NCBP3: variants seen among roughly 807,000 people sequenced by gnomAD.
NCBP3 encodes nuclear cap binding subunit 3, also known as nuclear cap-binding protein subunit 3.
NCBP3 carries 20 observed loss-of-function variants against 75.7 expected under a neutral mutation model. The observed-to-expected ratio is 0.26, with a 90% CI of 0.19 to 0.38. The LOEUF (loss-of-function observed/expected upper bound fraction) is 0.38, where lower values mean the gene tolerates loss of function less well. Among genes scored for constraint, NCBP3 ranks in the 10% least tolerant of loss-of-function variants. NCBP3 has a pLI of 1.00. For synonymous variants in NCBP3, 293 were observed against 290.5 expected (o/e 1.01, Z -0.09); for missense variants, 678 against 796.9 (o/e 0.85, Z 1.80).
At chr17:3,833,029 T>C (rs529884884) in intron 3 of NCBP3, among the ~76,000 whole-genome samples, 20 of 152,128 alleles carry the variant, frequency 1.3e-4, no homozygotes, top group African/African-American at 4.8e-4. Context: ...GTGGGAGGAC[T>C]GCTTGAGTCC....
chr17:3,805,674 C>T lies in NCBP3; in HGVS notation c.*7370G>A, dbSNP rs7502345. The T allele has an allele frequency of 2.0e-5, 3 of 152,456 alleles. No individual in the cohort carries two copies. Among genetic ancestry groups the T allele is most frequent in the East Asian group, 1.9e-4 (1 of 5,180 alleles). 9.4% of individuals were successfully genotyped at this position (152,456 alleles called of 1,614,324 possible). A position where few individuals can be genotyped will look rare whatever the true frequency, so the allele number is the denominator to read the frequency against. On this transcript the variant is annotated 3_prime_UTR_variant, in exon 13 of 13. Transcript: ENST00000389005. The stretch of plus-strand genomic sequence containing the variant: ...CGAGGGCTGCACTGGGTGCTGGGAC[C>T]AAGGGTCCAGGGGCTTGGATCTCTT...
chr17:3,814,584 G>T, intron 11 of NCBP3, 101 bp from the exon 12 acceptor site: 1 of 1,181,924 alleles, frequency 8.5e-7, no homozygotes, highest in Non-Finnish European at 1.2e-6. Context: ...CCCCTGCCCC[G>T]AGGACACAGG....
Position 3,804,702 on chromosome 17 carries a change from G to A in NCBP3, c.*8342C>T, listed in dbSNP as rs562228209. On this transcript the variant is annotated 3_prime_UTR_variant, in exon 13 of 13. Transcript: ENST00000389005. ...CGGCATTGCTGAGACCAGAGCCCAGGGCTGCAGAGCAGTGGTACTCACGAC... is the reference window on the plus strand; with the variant it reads ...CGGCATTGCTGAGACCAGAGCCCAGAGCTGCAGAGCAGTGGTACTCACGAC... 5.2e-5 allele frequency: 8 copies of A among 152,390 alleles called. No homozygotes were observed. Among genetic ancestry groups the A allele is most frequent in the Non-Finnish European group, 8.8e-5 (6 of 68,096 alleles). 9.4% of individuals were successfully genotyped at this position (152,390 alleles called of 1,614,324 possible).
rs762484156 is a variant in NCBP3 at position 3,803,528 on chromosome 17, A to G, written c.*9516T>C. 1 of 152,230 alleles carries G rather than the reference A, an allele frequency of 6.6e-6. No individual in the cohort carries two copies. Among genetic ancestry groups the G allele is most frequent in the Non-Finnish European group, 1.5e-5 (1 of 68,046 alleles). The allele number at this position is 152,230 out of a possible 1,614,324, so 9.4% of individuals were successfully genotyped here. ...TCCCTGTTCTTGGGAAATGTTCACT[A>G]AAACATCTTACGGATAAACGAGCAT... is the stretch of plus-strand genomic sequence containing the variant. On this transcript the variant is annotated 3_prime_UTR_variant, in exon 13 of 13. Coordinates refer to ENST00000389005, the MANE Select transcript of NCBP3 (RefSeq NM_001114118.3).
At chr17:3,843,893 C>A (rs755116140) in intron 1 of NCBP3, among the ~76,000 whole-genome samples, 5 of 152,178 alleles carry the variant, frequency 3.3e-5, no homozygotes, top group Non-Finnish European at 7.3e-5. Context: ...TTCCCCACCC[C>A]TGACAACCTT....
At chr17:3,826,763 A>G (rs887624780) in intron 4 of NCBP3, among the ~76,000 whole-genome samples, 8 of 150,650 alleles carry the variant, frequency 5.3e-5, no homozygotes, top group Non-Finnish European at 1.2e-4. Flanking sequence ...GAGAGAGAGA[A>G]AGCACTTTGG....
At position 3,825,025 on chromosome 17, in the gene NCBP3, T is replaced by C; in HGVS notation, c.713A>G (p.Glu238Gly). 6.5e-7 allele frequency: 1 copy of C among 1,542,884 alleles called. No homozygotes were observed. The highest frequency in any genetic ancestry group is 1.2e-5 in the South Asian group (1 of 82,586). Residue 238 changes from glutamate to glycine, a missense_variant, in exon 7 of 13, where the codon GAG (glutamate) becomes GGG (glycine). Coordinates refer to ENST00000389005, the MANE Select transcript of NCBP3 (RefSeq NM_001114118.3). ...AAGATCGTTTCTTAACAAAGACTCC[T>C]CTTCTACCTGAGACAACGTATCCAA... Reference protein sequence around the residue: ...VELDTLSQVEEESLLRNDLRP... With the variant: ...VELDTLSQVEGESLLRNDLRP...
intron 7 of NCBP3, chr17:3,823,824 G>C (rs1021321262): frequency 6.6e-6 from 1 of 152,130 alleles, no homozygotes; most frequent in Non-Finnish European, 1.5e-5. Flanking sequence ...AACGTCCCTA[G>C]GACTGGGACG....
intron 7 of NCBP3, among the ~76,000 whole-genome samples, chr17:3,823,424 A>C (rs1249818294): frequency 1.3e-5 from 2 of 152,192 alleles, no homozygotes; most frequent in Non-Finnish European, 2.9e-5. Flanking sequence ...CATGATTCTA[A>C]ACTGATGTAA....
Position 3,805,819 on chromosome 17 carries a change from T to G in NCBP3, c.*7225A>C, listed in dbSNP as rs2053331371. 1 of 152,316 alleles carries G rather than the reference T, an allele frequency of 6.6e-6. No homozygotes were observed. Among genetic ancestry groups the G allele is most frequent in the African/African-American group, 2.4e-5 (1 of 41,434 alleles). 9.4% of individuals were successfully genotyped at this position (152,316 alleles called of 1,614,324 possible). Reference sequence around the variant, plus strand: ...AGAAGGAAACTGGAGCTCACCCCAGTTGAGCCCTCCATTTGACAGACAGGG... The same window carrying G: ...AGAAGGAAACTGGAGCTCACCCCAGGTGAGCCCTCCATTTGACAGACAGGG... On this transcript the variant is annotated 3_prime_UTR_variant, in exon 13 of 13. Transcript: ENST00000389005.
chr17:3,843,214 T>G, intron 1 of NCBP3, 63 bp from the exon 2 acceptor site: 1 of 1,352,728 alleles, frequency 7.4e-7, no homozygotes, highest in Non-Finnish European at 1.0e-6. Flanking sequence ...ATAATAAAAG[T>G]CGGCCTGACA....
chr17:3,846,013 T>C lies in NCBP3; in HGVS notation c.183+28A>G, dbSNP rs1247976024. 9.1e-6 allele frequency: 14 copies of C among 1,539,586 alleles called. No individual in the cohort carries two copies. The African/African-American group carries it at 9.8e-5, about 11-fold the overall frequency. ...CGCTAGACACTAGCCCCGCGACCTCTTCCTTACCCCCCGACCCCCGCCCGT... is the reference window on the plus strand; with the variant it reads ...CGCTAGACACTAGCCCCGCGACCTCCTCCTTACCCCCCGACCCCCGCCCGT... On this transcript the variant is annotated intron_variant, in intron 1 of 12. Coordinates refer to ENST00000389005, the MANE Select transcript of NCBP3 (RefSeq NM_001114118.3). The surrounding 1 kb of genome is among the most constrained non-coding windows in gnomAD (Gnocchi z 4.6).
chr17:3,828,729 G>C (rs1277996369), intron 4 of NCBP3, among the ~76,000 whole-genome samples: 2 of 152,104 alleles, frequency 1.3e-5, no homozygotes, highest in African/African-American at 4.8e-5. Flanking sequence ...TTCAAGGCAA[G>C]CAGAAATGAG....
chr17:3,816,075 G>C, intron 11 of NCBP3, 41 bp downstream of exon 11: 3 of 1,587,368 alleles, frequency 1.9e-6, no homozygotes, highest in Non-Finnish European at 1.7e-6. Flanking sequence ...CTGCTTTCCG[G>C]AGCTCAGAAT....
chr17:3,815,017 C>T (rs1219396766), intron 11 of NCBP3, among the ~76,000 whole-genome samples: 2 of 152,188 alleles, frequency 1.3e-5, no homozygotes, highest in Non-Finnish European at 2.9e-5. Flanking sequence ...GGCCCTGTGC[C>T]GAGGTCTCCT....
intron 3 of NCBP3, 64 bp downstream of exon 3, chr17:3,840,036 T>C: frequency 7.8e-7 from 1 of 1,277,470 alleles, no homozygotes; most frequent in Non-Finnish European, 1.1e-6. Context: ...AAGCATGAGG[T>C]GATGGCAGGG....
At chr17:3,814,181 A>G in intron 12 of NCBP3, 141 bp downstream of exon 12, 1 of 860,190 alleles carries the variant, frequency 1.2e-6, no homozygotes, top group Non-Finnish European at 1.8e-6. Context: ...TGCTGACGAT[A>G]ACTATAATGG....
chr17:3,809,786 A>AT lies in NCBP3; in HGVS notation c.*3257dup, dbSNP rs1228160738. The AT allele has an allele frequency of 2.0e-5, 3 of 152,240 alleles. No individual in the cohort carries two copies. The highest frequency in any genetic ancestry group is 4.4e-5 in the Non-Finnish European group (3 of 68,046). The allele number at this position is 152,240 out of a possible 1,614,324, so 9.4% of individuals were successfully genotyped here. Reference sequence around the variant, plus strand: ...CTCAAATGCCCATTAACCAATGTGGATTAAAAAAAAGGTGGCATACCCATA... The same window carrying AT: ...CTCAAATGCCCATTAACCAATGTGGATTTAAAAAAAAGGTGGCATACCCATA... On this transcript the variant is annotated 3_prime_UTR_variant, in exon 13 of 13. Coordinates refer to ENST00000389005, the MANE Select transcript of NCBP3 (RefSeq NM_001114118.3).
intron 3 of NCBP3, among the ~76,000 whole-genome samples, chr17:3,837,018 T>A (rs2053984964): frequency 6.6e-6 from 1 of 150,924 alleles, no homozygotes; most frequent in African/African-American, 2.4e-5. Context: ...CATGGTGGTG[T>A]GCGTCTGTAG....
Sources: gnomAD v4.1 joint callset for allele counts (sites outside exome capture counted in the v4.1 genomes callset) on GRCh38, gnomAD v4.1.1 for gene constraint, Gnocchi (gnomAD v3.1) non-coding constraint, MANE v1.5 for transcripts, NCBI Gene and HGNC (gene_info 2026-07-23, HGNC 2026-07-21) for gene names.